PPARA: variants seen among roughly 807,000 people sequenced by gnomAD.
PPARA encodes peroxisome proliferator-activated receptor alpha.
Under a neutral mutation model 42.2 loss-of-function variants are expected in PPARA, and 22 were observed. That is an observed-to-expected ratio of 0.52 (90% CI 0.37 to 0.74). PPARA has a LOEUF of 0.74. Ranked by LOEUF, PPARA falls within the 30% of genes least tolerant of loss-of-function variation. The pLI, the probability that PPARA is intolerant of heterozygous loss-of-function variation, is 0.00. For synonymous variants in PPARA, 242 were observed against 239.3 expected, an observed-to-expected ratio of 1.01 and a Z score of -0.10; for missense variants, 465 against 608.2, an observed-to-expected ratio of 0.76 and a Z score of 2.48.
chr22:46,153,079 C>G (rs928487587), intron 2 of PPARA, among the ~76,000 whole-genome samples: 8 of 151,998 alleles, frequency 5.3e-5, no homozygotes, highest in Non-Finnish European at 1.0e-4. Flanking sequence ...GGGCGAGACT[C>G]CGTCTCAAAA....
chr22:46,228,838 C>T (rs948273690), intron 7 of PPARA, among the ~76,000 whole-genome samples: 1 of 151,890 alleles, frequency 6.6e-6, no homozygotes, highest in Non-Finnish European at 1.5e-5. Context: ...GGCGTGGTGG[C>T]TCACGCCTGT....
At position 46,182,665 on chromosome 22, in the gene PPARA, A is replaced by T. The variant is rs1930131376; in HGVS notation, c.-43+5829A>T. ...CACAGGTTGATACATACGGCAAAAA[A>T]TACCAAATTTGTACACTTTAAATAT... On this transcript the variant is annotated intron_variant, in intron 3 of 8. Coordinates refer to ENST00000407236, the MANE Select transcript of PPARA (RefSeq NM_005036.6). This position sits in a 1 kb window ranked among gnomAD's most constrained non-coding sequence, Gnocchi z 5.2. 6.6e-6 allele frequency among the ~76,000 whole-genome samples: 1 copy of T among 152,204 alleles called. No individual in the cohort carries two copies. The highest frequency in any genetic ancestry group is 1.5e-5 in the Non-Finnish European group (1 of 68,038).
intron 2 of PPARA, among the ~76,000 whole-genome samples, chr22:46,154,734 A>C (rs1407239739): frequency 6.6e-6 from 1 of 151,672 alleles, no homozygotes; most frequent in African/African-American, 2.4e-5. Flanking sequence ...GCACAGCTGC[A>C]TGATCACGGC....
Position 46,230,877 on chromosome 22 carries a change from G to A in PPARA, c.712-915G>A, listed in dbSNP as rs995416792. Among the ~76,000 whole-genome samples, 10 of 152,274 alleles carry A rather than the reference G, an allele frequency of 6.6e-5. No individual in the cohort carries two copies. The highest frequency in any genetic ancestry group is 4.1e-4 in the South Asian group (2 of 4,826). ...ATGCCAAATGTATTCATTGAGCAGCGTTAAATAATGGTGTTCACCCCTAAA... is the reference window on the plus strand; with the variant it reads ...ATGCCAAATGTATTCATTGAGCAGCATTAAATAATGGTGTTCACCCCTAAA... On this transcript the variant is annotated intron_variant, in intron 7 of 8. Coordinates refer to ENST00000407236, the MANE Select transcript of PPARA (RefSeq NM_005036.6). This position sits in a 1 kb window ranked among gnomAD's most constrained non-coding sequence, Gnocchi z 5.0.
In PPARA at chr22:46,222,646, C is replaced by G. The variant is rs978081132; in HGVS notation, c.711+2632C>G. Among the ~76,000 whole-genome samples the G allele has an allele frequency of 2.0e-5, 3 of 152,162 alleles. No homozygotes were observed. Among genetic ancestry groups the G allele is most frequent in the Admixed American group, 2.0e-4 (3 of 15,268 alleles). On this transcript the variant is annotated intron_variant, in intron 7 of 8. Coordinates refer to ENST00000407236, the MANE Select transcript of PPARA (RefSeq NM_005036.6). This position sits in a 1 kb window ranked among gnomAD's most constrained non-coding sequence, Gnocchi z 5.9. ...GTAACTTTTAGCTTCGAGTCTCTAT[C>G]CTGGATATGATTAGTACAGCCCAAA...
At position 46,241,360 on chromosome 22, in the gene PPARA, C is replaced by T. The variant is rs1432839731; in HGVS notation, c.*5980C>T. The T allele has an allele frequency of 4.6e-5, 7 of 152,240 alleles. No individual in the cohort carries two copies. Among genetic ancestry groups the T allele is most frequent in the Admixed American group, 3.3e-4 (5 of 15,288 alleles). 9.4% of individuals were successfully genotyped at this position (152,240 alleles called of 1,614,324 possible). A position where few individuals can be genotyped will look rare whatever the true frequency, so the allele number is the denominator to read the frequency against. ...ATATTTCTCTGGAAACCACAGTGTA[C>T]ACTAAAATGTGAAATTGAAGGTTTT... On this transcript the variant is annotated 3_prime_UTR_variant, in exon 9 of 9. Coordinates refer to ENST00000407236, the MANE Select transcript of PPARA (RefSeq NM_005036.6). The surrounding 1 kb of genome is among the most constrained non-coding windows in gnomAD (Gnocchi z 5.7).
chr22:46,216,148 C>T lies in PPARA; in HGVS notation c.369+815C>T, dbSNP rs1042890473. Among the ~76,000 whole-genome samples the T allele has an allele frequency of 7.2e-5, 11 of 152,120 alleles. No individual in the cohort carries two copies. The highest frequency in any genetic ancestry group is 1.2e-4 in the African/African-American group (5 of 41,524). On this transcript the variant is annotated intron_variant, in intron 5 of 8. Transcript: ENST00000407236. The surrounding 1 kb of genome is among the most constrained non-coding windows in gnomAD (Gnocchi z 4.5). ...CTATAATCTCAGCACTTTGGGAGGC[C>T]GAGGCGGCTGGATCACCTGAGGTCA...
At chr22:46,178,112 C>T (rs1481036491) in intron 3 of PPARA, among the ~76,000 whole-genome samples, 1 of 152,094 alleles carries the variant, frequency 6.6e-6, no homozygotes, top group African/African-American at 2.4e-5. Context: ...TTTTAGGACT[C>T]GTAAGGAGGG....
At position 46,219,595 on chromosome 22, in the gene PPARA, T is replaced by C. The variant is rs1187212885; in HGVS notation, c.509-217T>C. Reference sequence around the variant, plus strand: ...CAGCCTGCACCTGTTAACGATGGTGTCACCTTCAGCCTGCACCTGTTTAAA... The same window carrying C: ...CAGCCTGCACCTGTTAACGATGGTGCCACCTTCAGCCTGCACCTGTTTAAA... On this transcript the variant is annotated intron_variant, in intron 6 of 8. Coordinates refer to ENST00000407236, the MANE Select transcript of PPARA (RefSeq NM_005036.6). This position sits in a 1 kb window ranked among gnomAD's most constrained non-coding sequence, Gnocchi z 4.8. Among the ~76,000 whole-genome samples the C allele has an allele frequency of 7.2e-5, 11 of 152,182 alleles. No homozygotes were observed. Among genetic ancestry groups the C allele is most frequent in the Non-Finnish European group, 1.5e-4 (10 of 68,030 alleles).
In PPARA at chr22:46,200,153, G is replaced by A. The variant is rs948837358; in HGVS notation, c.208+1562G>A. ...GCAAGATGGAGGGAGAACTGGGGAG[G>A]GGTCCCATGGGGACTGTAATTCTCT... On this transcript the variant is annotated intron_variant, in intron 4 of 8. Transcript: ENST00000407236. This position sits in a 1 kb window ranked among gnomAD's most constrained non-coding sequence, Gnocchi z 4.8. Among the ~76,000 whole-genome samples the A allele has an allele frequency of 1.3e-5, 2 of 152,204 alleles. No homozygotes were observed. Among genetic ancestry groups the A allele is most frequent in the Non-Finnish European group, 2.9e-5 (2 of 68,030 alleles).
intron 3 of PPARA, among the ~76,000 whole-genome samples, chr22:46,194,893 C>CTTTTTTT (rs1161037504): frequency 1.7e-5 from 2 of 116,052 alleles, no homozygotes; most frequent in African/African-American, 3.1e-5. Flanking sequence ...TGTTTTCTTT[C>CTTTTTTT]TTTTTTTTTT....
chr22:46,209,360 T>C (rs758460349), intron 4 of PPARA, among the ~76,000 whole-genome samples: 10 of 152,216 alleles, frequency 6.6e-5, no homozygotes, highest in Non-Finnish European at 1.0e-4. Context: ...AGTGCACTTA[T>C]TGTTTTCATC....
At position 46,198,217 on chromosome 22, in the gene PPARA, A is replaced by C. The variant is rs544303596; in HGVS notation, c.-42-125A>C. 1.7e-3 allele frequency: 441 copies of C among 265,190 alleles called. 1 individual carries two copies. The highest frequency in any genetic ancestry group is 4.5e-3 in the South Asian group (32 of 7,084). 16.4% of individuals were successfully genotyped at this position (265,190 alleles called of 1,614,324 possible). A position where few individuals can be genotyped will look rare whatever the true frequency, so the allele number is the denominator to read the frequency against. On this transcript the variant is annotated intron_variant, in intron 3 of 8. Coordinates refer to ENST00000407236, the MANE Select transcript of PPARA (RefSeq NM_005036.6). ...TGTGCCCCTGCACTCCAGCCTGGGC[A>C]ACAGACTGAGACTCTGTCTCAAAAA... is the stretch of plus-strand genomic sequence containing the variant.
rs540265604 is a variant in PPARA, at chr22:46,200,601, T to C, written c.208+2010T>C. Among the ~76,000 whole-genome samples the C allele has an allele frequency of 1.9e-4, 29 of 152,278 alleles. No homozygotes were observed. The highest frequency in any genetic ancestry group is 2.8e-4 in the Non-Finnish European group (19 of 68,054). ...AATGTCACTGTGCAGTGTGTGACTATACAGAAATAAGCTCAGAGAAATTAA... is the reference window on the plus strand; with the variant it reads ...AATGTCACTGTGCAGTGTGTGACTACACAGAAATAAGCTCAGAGAAATTAA... On this transcript the variant is annotated intron_variant, in intron 4 of 8. Transcript: ENST00000407236. This position sits in a 1 kb window ranked among gnomAD's most constrained non-coding sequence, Gnocchi z 4.8.
In PPARA at chr22:46,191,899, C is replaced by G. The variant is rs1273311810; in HGVS notation, c.-42-6443C>G. ...TGGCCAACATGGTGAAACCTTGTCT[C>G]TACTAAAAATACAAAAGTAGCCGGG... On this transcript the variant is annotated intron_variant, in intron 3 of 8. Transcript: ENST00000407236. This position sits in a 1 kb window ranked among gnomAD's most constrained non-coding sequence, Gnocchi z 4.6. Among the ~76,000 whole-genome samples the G allele has an allele frequency of 6.6e-6, 1 of 152,210 alleles. No homozygotes were observed. The highest frequency in any genetic ancestry group is 1.5e-5 in the Non-Finnish European group (1 of 68,036).
Position 46,203,053 on chromosome 22 carries a change from G to A in PPARA, c.208+4462G>A, listed in dbSNP as rs886811320. ...CACCAGCCTTTAAAGTGGCAAGCGG[G>A]TGATAACCCATTTCTTATTTCCCCC... On this transcript the variant is annotated intron_variant, in intron 4 of 8. Coordinates refer to ENST00000407236, the MANE Select transcript of PPARA (RefSeq NM_005036.6). This position sits in a 1 kb window ranked among gnomAD's most constrained non-coding sequence, Gnocchi z 5.8. Among the ~76,000 whole-genome samples, 3 of 152,070 alleles carry A rather than the reference G, an allele frequency of 2.0e-5. No individual in the cohort carries two copies. Among genetic ancestry groups the A allele is most frequent in the Admixed American group, 2.0e-4 (3 of 15,252 alleles).
In PPARA at chr22:46,235,706, A is replaced by G; in HGVS notation, c.*326A>G. 2.8e-6 allele frequency: 1 copy of G among 359,782 alleles called. No individual in the cohort carries two copies. 22.3% of individuals were successfully genotyped at this position (359,782 alleles called of 1,614,324 possible). A position where few individuals can be genotyped will look rare whatever the true frequency, so the allele number is the denominator to read the frequency against. On this transcript the variant is annotated 3_prime_UTR_variant, in exon 9 of 9. Transcript: ENST00000407236. This position sits in a 1 kb window ranked among gnomAD's most constrained non-coding sequence, Gnocchi z 7.0. Reference sequence around the variant, plus strand: ...GATCACATTCGTGATTTACCATTTAATTAACTGGTAACCTCAAAATTCGTG... The same window carrying G: ...GATCACATTCGTGATTTACCATTTAGTTAACTGGTAACCTCAAAATTCGTG...
At position 46,180,803 on chromosome 22, in the gene PPARA, G is replaced by T. The variant is rs1239551911; in HGVS notation, c.-43+3967G>T. On this transcript the variant is annotated intron_variant, in intron 3 of 8. Transcript: ENST00000407236. This position sits in a 1 kb window ranked among gnomAD's most constrained non-coding sequence, Gnocchi z 4.2. ...TCTGATTTCCCACTACATTTTCTGGGGGCTCGTCCGGGATTGGAGATGGCA... is the reference window on the plus strand; with the variant it reads ...TCTGATTTCCCACTACATTTTCTGGTGGCTCGTCCGGGATTGGAGATGGCA... 6.6e-6 allele frequency among the ~76,000 whole-genome samples: 1 copy of T among 152,104 alleles called. No homozygotes were observed. Among genetic ancestry groups the T allele is most frequent in the East Asian group, 1.9e-4 (1 of 5,186 alleles).
In PPARA at chr22:46,180,434, T is replaced by A. The variant is rs533689973; in HGVS notation, c.-43+3598T>A. ...GTTAGAGTTAAGAAAGAATATTAAT[T>A]TTCCTTGTGTGAAACATTAATCTTA... On this transcript the variant is annotated intron_variant, in intron 3 of 8. Transcript: ENST00000407236. This position sits in a 1 kb window ranked among gnomAD's most constrained non-coding sequence, Gnocchi z 4.2. 6.6e-6 allele frequency among the ~76,000 whole-genome samples: 1 copy of A among 152,322 alleles called. No individual in the cohort carries two copies. Among genetic ancestry groups the A allele is most frequent in the East Asian group, 1.9e-4 (1 of 5,190 alleles).
Sources: allele counts gnomAD v4.1 joint callset (sites outside exome capture counted in the v4.1 genomes callset), GRCh38; gene constraint gnomAD v4.1.1; non-coding constraint Gnocchi (gnomAD v3.1); transcripts MANE v1.5; gene names NCBI Gene and HGNC (gene_info 2026-07-23, HGNC 2026-07-21).